Variants in GALNT18 observed in about 807,000 individuals in gnomAD.
GALNT18 encodes the protein GalNAc-transferase 18.
A neutral mutation model predicts 69.5 loss-of-function variants in GALNT18; 44 were observed. That is an observed-to-expected ratio of 0.63 (90% CI 0.50 to 0.81). The LOEUF (loss-of-function observed/expected upper bound fraction) is 0.81. Ranked by LOEUF, GALNT18 falls within the 40% of genes least tolerant of loss-of-function variation. The pLI, the probability that GALNT18 is intolerant of heterozygous loss-of-function variation, is 0.00. For synonymous variants in GALNT18, 364 were observed against 318.2 expected (o/e 1.14, Z -1.53); for missense variants, 715 against 810.0 (o/e 0.88, Z 1.42).
At chr11:11,576,440 A>G (rs529886663) in intron 1 of GALNT18, among the ~76,000 whole-genome samples, 18 of 152,384 alleles carry the variant, frequency 1.2e-4, no homozygotes, top group African/African-American at 4.3e-4. Context: ...AAGAGAGGAC[A>G]GTGGGGTTGG....
chr11:11,394,965 A>T (rs1268558510), intron 3 of GALNT18, among the ~76,000 whole-genome samples: 1 of 152,216 alleles, frequency 6.6e-6, no homozygotes, highest in Non-Finnish European at 1.5e-5. Flanking sequence ...AGGGTCTGAC[A>T]TGCTGTTAGG....
At chr11:11,417,665 T>G (rs572123310) in intron 3 of GALNT18, among the ~76,000 whole-genome samples, 1 of 152,282 alleles carries the variant, frequency 6.6e-6, no homozygotes, top group Non-Finnish European at 1.5e-5. Context: ...TTTCCACCAC[T>G]CCTTATTGCC....
Position 11,529,625 on chromosome 11 carries a change from TTATA to T in GALNT18, c.236-80693_236-80690del, listed in dbSNP as rs10545842. On this transcript the variant is annotated intron_variant, in intron 1 of 10. Coordinates refer to ENST00000227756, the MANE Select transcript of GALNT18 (RefSeq NM_198516.3). ...AAGCCAATTCTTTATAATAATCTCC[TTATA>T]TATATATATACACACACACACACAC... 2.2e-4 allele frequency among the ~76,000 whole-genome samples: 33 copies of T among 149,014 alleles called. No individual in the cohort carries two copies. In the East Asian group the frequency reaches 3.6e-3, roughly 16 times the overall value.
intron 1 of GALNT18, among the ~76,000 whole-genome samples, chr11:11,474,519 A>G (rs1285981766): frequency 6.6e-6 from 1 of 152,260 alleles, no homozygotes; most frequent in African/African-American, 2.4e-5. Context: ...TTGAAAGTTC[A>G]AAAGAATGAA....
At chr11:11,474,596 T>C (rs187974024) in intron 1 of GALNT18, among the ~76,000 whole-genome samples, 6 of 152,318 alleles carry the variant, frequency 3.9e-5, no homozygotes, top group Non-Finnish European at 1.5e-5. Flanking sequence ...ATGCTAGTAG[T>C]ATTGGATATG....
intron 1 of GALNT18, among the ~76,000 whole-genome samples, chr11:11,498,979 A>G (rs1472717822): frequency 6.6e-6 from 1 of 152,254 alleles, no homozygotes; most frequent in African/African-American, 2.4e-5. Flanking sequence ...GTCCATAAAT[A>G]ATATTTCACA....
chr11:11,294,215 G>T (rs76865717), intron 9 of GALNT18, among the ~76,000 whole-genome samples: 3,830 of 152,278 alleles, frequency 0.025, 183 homozygotes, highest in African/African-American at 0.088. Context: ...CCTCCCAGGG[G>T]CGTTGCACAG....
rs1859638328 is a variant in GALNT18 at position 11,601,705 on chromosome 11, T to C, written c.235+19654A>G. Among the ~76,000 whole-genome samples the C allele has an allele frequency of 6.6e-6, 1 of 152,238 alleles. No homozygotes were observed. Among genetic ancestry groups the C allele is most frequent in the Non-Finnish European group, 1.5e-5 (1 of 68,042 alleles). ...TAGGAAATGTCTCTTTCTTTGATTATGTCTGTTAAACTACAGTAAGTCCTC... is the reference window on the plus strand; with the variant it reads ...TAGGAAATGTCTCTTTCTTTGATTACGTCTGTTAAACTACAGTAAGTCCTC... On this transcript the variant is annotated intron_variant, in intron 1 of 10. Transcript: ENST00000227756. The surrounding 1 kb of genome is among the most constrained non-coding windows in gnomAD (Gnocchi z 4.0).
At chr11:11,360,092 G>A (rs1420556111) in intron 6 of GALNT18, among the ~76,000 whole-genome samples, 2 of 151,756 alleles carry the variant, frequency 1.3e-5, no homozygotes, top group African/African-American at 2.4e-5. Flanking sequence ...TTACTCCACC[G>A]TACAACAATG....
In GALNT18 at chr11:11,387,663, G is replaced by T. The variant is rs181528508; in HGVS notation, c.596-8399C>A. 1.3e-5 allele frequency among the ~76,000 whole-genome samples: 2 copies of T among 152,214 alleles called. No individual in the cohort carries two copies. Among genetic ancestry groups the T allele is most frequent in the African/African-American group, 4.8e-5 (2 of 41,454 alleles). The stretch of plus-strand genomic sequence containing the variant: ...ACATTTTAAAGGAGAGATTATTTAT[G>T]AGGATGCAATGGTTGTCAAACCTAG... On this transcript the variant is annotated intron_variant, in intron 3 of 10. Transcript: ENST00000227756. The surrounding 1 kb of genome is among the most constrained non-coding windows in gnomAD (Gnocchi z 4.6).
chr11:11,500,308 G>C lies in GALNT18; in HGVS notation c.236-51372C>G, dbSNP rs1856949126. Among the ~76,000 whole-genome samples, 1 of 152,192 alleles carries C rather than the reference G, an allele frequency of 6.6e-6. No homozygotes were observed. The highest frequency in any genetic ancestry group is 1.5e-5 in the Non-Finnish European group (1 of 68,046). On this transcript the variant is annotated intron_variant, in intron 1 of 10. Coordinates refer to ENST00000227756, the MANE Select transcript of GALNT18 (RefSeq NM_198516.3). This position sits in a 1 kb window ranked among gnomAD's most constrained non-coding sequence, Gnocchi z 5.0. ...GGAGTCCCTAATACTGGCGGACAGA[G>C]ATGGGTTTCAAATCCCAATTTCTTC...
intron 3 of GALNT18, 54 bp from the exon 4 acceptor site, chr11:11,379,318 G>A: frequency 6.6e-7 from 1 of 1,524,700 alleles, no homozygotes; most frequent in Non-Finnish European, 9.0e-7. Context: ...GAGGCAGAGG[G>A]GGCAATCACA....
rs1280899096 is a variant in GALNT18, at chr11:11,496,188, T to C, written c.236-47252A>G. On this transcript the variant is annotated intron_variant, in intron 1 of 10. Coordinates refer to ENST00000227756, the MANE Select transcript of GALNT18 (RefSeq NM_198516.3). This position sits in a 1 kb window ranked among gnomAD's most constrained non-coding sequence, Gnocchi z 4.0. ...GCGTCTCTTGCAAACACTTCTCCAC[T>C]AACTTAAAGGGCTGGTTTAGAATAT... 6.6e-6 allele frequency among the ~76,000 whole-genome samples: 1 copy of C among 152,228 alleles called. No homozygotes were observed. The highest frequency in any genetic ancestry group is 2.4e-5 in the African/African-American group (1 of 41,462).
At chr11:11,437,947 G>C (rs1233690155) in intron 2 of GALNT18, among the ~76,000 whole-genome samples, 3 of 152,130 alleles carry the variant, frequency 2.0e-5, no homozygotes. Flanking sequence ...TCCCCTCAGG[G>C]GATCTTCCTG....
intron 6 of GALNT18, among the ~76,000 whole-genome samples, chr11:11,345,662 A>G (rs940077285): frequency 2.6e-5 from 4 of 152,180 alleles, no homozygotes; most frequent in Non-Finnish European, 5.9e-5. Flanking sequence ...CTGGGGAAGC[A>G]GGGCAGCTGG....
rs140297348 is a variant in GALNT18 at position 11,542,944 on chromosome 11, G to A, written c.235+78415C>T. On this transcript the variant is annotated intron_variant, in intron 1 of 10. Coordinates refer to ENST00000227756, the MANE Select transcript of GALNT18 (RefSeq NM_198516.3). This position sits in a 1 kb window ranked among gnomAD's most constrained non-coding sequence, Gnocchi z 4.3. ...GTGGTTGAGAAGGATCCATTAGTTC[G>A]TGGGTGAGGAGCAGGGTGCATGGAA... 9.8e-5 allele frequency among the ~76,000 whole-genome samples: 15 copies of A among 152,318 alleles called. No individual in the cohort carries two copies. The highest frequency in any genetic ancestry group is 2.6e-4 in the Admixed American group (4 of 15,300).
chr11:11,280,011 G>T (rs1564876984), intron 10 of GALNT18, among the ~76,000 whole-genome samples: 1 of 152,150 alleles, frequency 6.6e-6, no homozygotes, highest in Non-Finnish European at 1.5e-5. Context: ...GTGTATGTGT[G>T]TGTTGGGAGG....
chr11:11,584,050 C>G lies in GALNT18; in HGVS notation c.235+37309G>C, dbSNP rs2133914218. On this transcript the variant is annotated intron_variant, in intron 1 of 10. Transcript: ENST00000227756. This position sits in a 1 kb window ranked among gnomAD's most constrained non-coding sequence, Gnocchi z 4.1. ...CATCATGAGCTGGGCTGGCTGGAGA[C>G]AGATTTAAGCTTTGAAAACTGTGGT... is the stretch of plus-strand genomic sequence containing the variant. Among the ~76,000 whole-genome samples the G allele has an allele frequency of 6.6e-6, 1 of 152,010 alleles. No homozygotes were observed. Among genetic ancestry groups the G allele is most frequent in the South Asian group, 2.1e-4 (1 of 4,792 alleles).
Position 11,366,953 on chromosome 11 carries a change from T to C in GALNT18, c.1092+5562A>G, listed in dbSNP as rs16909532. ...TTTAATGAGTTTAGAATAAAGTCAC[T>C]GTCCAAGGTACTGAGAAATCTCAGA... On this transcript the variant is annotated intron_variant, in intron 6 of 10. Transcript: ENST00000227756. 7.4e-3 allele frequency among the ~76,000 whole-genome samples: 1,123 copies of C among 152,320 alleles called. 16 individuals carry two copies. The highest frequency in any genetic ancestry group is 0.026 in the African/African-American group (1,074 of 41,572).
Sources: gnomAD v4.1 joint callset for allele counts (sites outside exome capture counted in the v4.1 genomes callset) on GRCh38, gnomAD v4.1.1 for gene constraint, Gnocchi (gnomAD v3.1) non-coding constraint, MANE v1.5 for transcripts, NCBI Gene and HGNC (gene_info 2026-07-23, HGNC 2026-07-21) for gene names.